Variants in MAP3K15 observed in about 807,000 individuals in gnomAD.
The protein encoded by MAP3K15 is mitogen-activated protein kinase kinase kinase 15, also known as MAPK/ERK kinase kinase 15.
Under a neutral mutation model 99.5 loss-of-function variants are expected in MAP3K15, and 124 were observed. The observed-to-expected ratio is 1.25, with a 90% confidence interval of 1.08 to 1.45. The LOEUF (loss-of-function observed/expected upper bound fraction) is 1.45, where lower values mean the gene tolerates loss of function less well. MAP3K15 is among the 40% of genes most tolerant of loss of function. The pLI is 0.00. For synonymous variants in MAP3K15, 494 were observed against 439.6 expected (o/e 1.12, Z -1.55); for missense variants, 1,242 against 1,079.7 (o/e 1.15, Z -2.11).
At chrX:19,429,288 C>G (rs1169337812) in intron 7 of MAP3K15, among the ~76,000 whole-genome samples, 1 of 110,665 alleles carries the variant, frequency 9.0e-6, no homozygotes, top group Non-Finnish European at 1.9e-5. Flanking sequence ...AGGGAGTCTA[C>G]TTGGGTACTG....
At chrX:19,398,459 T>C in intron 14 of MAP3K15, 100 bp from the exon 15 acceptor site, 1 of 925,707 alleles carries the variant, frequency 1.1e-6, no homozygotes, top group Non-Finnish European at 1.5e-6. Context: ...AAAATATAAA[T>C]AACATTATTT....
At chrX:19,383,694 AAAG>A (rs1263667135) in intron 18 of MAP3K15, among the ~76,000 whole-genome samples, 1 of 112,579 alleles carries the variant, frequency 8.9e-6, no homozygotes, top group Non-Finnish European at 1.9e-5. Flanking sequence ...ACATTTCTCA[AAAG>A]AAGACATTTG....
chrX:19,403,804 T>C (rs2063627313), intron 13 of MAP3K15, among the ~76,000 whole-genome samples: 1 of 110,826 alleles, frequency 9.0e-6, no homozygotes, highest in South Asian at 3.8e-4. Context: ...AATGATTGTC[T>C]GAGACACAAT....
chrX:19,421,375 T>C (rs13131891), intron 9 of MAP3K15, among the ~76,000 whole-genome samples: 1 of 111,030 alleles, frequency 9.0e-6, no homozygotes. Context: ...AGCATTCTTA[T>C]ACACCACTAA....
intron 1 of MAP3K15, among the ~76,000 whole-genome samples, chrX:19,491,546 G>C (rs2064368742): frequency 9.1e-6 from 1 of 110,092 alleles, no homozygotes; most frequent in African/African-American, 3.3e-5. Flanking sequence ...CTAGTGCAAG[G>C]GGCCAGCAGC....
At chrX:19,480,976 G>A (rs961340202) in intron 3 of MAP3K15, among the ~76,000 whole-genome samples, 19 of 108,617 alleles carry the variant, frequency 1.7e-4, no homozygotes, top group South Asian at 8.2e-4. Flanking sequence ...TTAGCTGGGC[G>A]TGGTGGTGCA....
intron 9 of MAP3K15, among the ~76,000 whole-genome samples, chrX:19,422,505 G>A (rs377314374): frequency 3.0e-4 from 34 of 111,769 alleles, no homozygotes; most frequent in East Asian, 5.6e-4. Flanking sequence ...TTAGAATGGC[G>A]ATCATTAAAA....
Position 19,464,296 on chromosome X carries a change from G to A in MAP3K15, c.636C>T (p.Asn212=). 1 of 1,200,224 alleles carries A rather than the reference G, an allele frequency of 8.3e-7. No homozygotes were observed. Among genetic ancestry groups the A allele is most frequent in the Non-Finnish European group, 1.1e-6 (1 of 895,051 alleles). Residue 212 remains asparagine, a synonymous_variant, in exon 4 of 29, where the codon AAC becomes AAT. Coordinates refer to ENST00000338883, the MANE Select transcript of MAP3K15 (RefSeq NM_001001671.4). ...ACAGCGGGCCCAGGATGTTGTCCCA[G>A]TTGGGCTGCATGTACTCGGAGGCTC... ...QRRASEYMQP[N]WDNILGPLCM...
chrX:19,453,329 C>T (rs754970141), intron 6 of MAP3K15, among the ~76,000 whole-genome samples: 51 of 109,295 alleles, frequency 4.7e-4, no homozygotes, highest in Non-Finnish European at 7.4e-4. Context: ...GGTGAAACCT[C>T]GTCTCTACTA....
intron 18 of MAP3K15, among the ~76,000 whole-genome samples, chrX:19,381,504 G>A (rs1054183746): frequency 1.3e-4 from 15 of 112,282 alleles, no homozygotes; most frequent in African/African-American, 3.6e-4. Context: ...GTTGGTAGCC[G>A]GGGCTGTCAG....
chrX:19,398,212 C>A lies in MAP3K15; in HGVS notation c.2066+14G>T. On this transcript the variant is annotated intron_variant, in intron 15 of 28. Coordinates refer to ENST00000338883, the MANE Select transcript of MAP3K15 (RefSeq NM_001001671.4). ...AGACGGCACCCGAAATGCGGAAGGC[C>A]CGCCTGGACTTGCCTGCTATCTCTC... The A allele has an allele frequency of 8.3e-7, 1 of 1,210,868 alleles. No homozygotes were observed. Among genetic ancestry groups the A allele is most frequent in the East Asian group, 3.0e-5 (1 of 33,827 alleles).
intron 6 of MAP3K15, among the ~76,000 whole-genome samples, chrX:19,441,234 G>C (rs1028833133): frequency 3.6e-5 from 4 of 110,991 alleles, no homozygotes; most frequent in African/African-American, 1.3e-4. Context: ...TTTTCCTCAG[G>C]CTAGAGAGTG....
intron 10 of MAP3K15, 95 bp from the exon 11 acceptor site, chrX:19,413,559 C>A: frequency 3.7e-6 from 2 of 534,775 alleles, no homozygotes; most frequent in Middle Eastern, 3.7e-4. Flanking sequence ...CTCAATATAT[C>A]CTCACTGAGG....
chrX:19,490,779 C>T (rs1430338178), intron 1 of MAP3K15, among the ~76,000 whole-genome samples: 1 of 108,995 alleles, frequency 9.2e-6, no homozygotes, highest in Non-Finnish European at 1.9e-5. Context: ...AAATAAAATG[C>T]ACCCTGGAGT....
intron 9 of MAP3K15, among the ~76,000 whole-genome samples, chrX:19,417,335 C>T (rs924828297): frequency 1.8e-5 from 2 of 112,053 alleles, no homozygotes; most frequent in East Asian, 2.8e-4. Flanking sequence ...AAAATCGGGT[C>T]GCTCCCACCC....
At chrX:19,503,050 C>G (rs1032549075) in intron 1 of MAP3K15, among the ~76,000 whole-genome samples, 1 of 111,304 alleles carries the variant, frequency 9.0e-6, no homozygotes, top group African/African-American at 3.3e-5. Context: ...AAGACAGTAG[C>G]AGGGCATATA....
chrX:19,387,770 G>T lies in MAP3K15; in HGVS notation c.2431+4232C>A, dbSNP rs147598045. ...TAAAAAAATAAAGAAAAAAGAAAAGGAATTCCTGCTCAAACGCAGTCCTCC... is the reference window on the plus strand; with the variant it reads ...TAAAAAAATAAAGAAAAAAGAAAAGTAATTCCTGCTCAAACGCAGTCCTCC... On this transcript the variant is annotated intron_variant, in intron 18 of 28. Transcript: ENST00000338883. Among the ~76,000 whole-genome samples, 906 of 111,959 alleles carry T rather than the reference G, an allele frequency of 8.1e-3. 4 individuals are homozygous for T. The highest frequency in any genetic ancestry group is 0.028 in the African/African-American group (857 of 30,842).
intron 18 of MAP3K15, 53 bp downstream of exon 18, chrX:19,391,949 C>G: frequency 1.1e-6 from 1 of 910,993 alleles, no homozygotes; most frequent in Non-Finnish European, 1.6e-6. Context: ...GCAGCTTGTG[C>G]AGAAAGCGTA....
At chrX:19,484,063 A>G (rs145022499) in intron 3 of MAP3K15, among the ~76,000 whole-genome samples, 99 of 111,760 alleles carry the variant, frequency 8.9e-4, no homozygotes, top group Admixed American at 1.5e-3. Context: ...AAATTCTAAC[A>G]TAATGCCAAA....
Sources: allele counts gnomAD v4.1 joint callset (sites outside exome capture counted in the v4.1 genomes callset), GRCh38; gene constraint gnomAD v4.1.1; transcripts MANE v1.5; gene names NCBI Gene and HGNC (gene_info 2026-07-23, HGNC 2026-07-21).